Variants in DOCK2 observed in about 807,000 individuals in gnomAD.
DOCK2 encodes dedicator of cytokinesis protein 2.
DOCK2 carries 87 observed loss-of-function variants against 248.9 expected under a neutral mutation model. The observed-to-expected ratio is 0.35, with a 90% CI of 0.29 to 0.42. The LOEUF is 0.42. Among genes scored for constraint, DOCK2 ranks in the 10% least tolerant of loss-of-function variants. The pLI, the probability that DOCK2 is intolerant of heterozygous loss-of-function variation, is 1.00. For missense variants in DOCK2, 1,747 were observed against 2,300.2 expected, an observed-to-expected ratio of 0.76 and a Z score of 4.92; for synonymous variants, 805 against 821.6, an observed-to-expected ratio of 0.98 and a Z score of 0.35.
intron 27 of DOCK2, among the ~76,000 whole-genome samples, chr5:169,982,513 G>A (rs1243490852): frequency 2.0e-5 from 3 of 152,096 alleles, no homozygotes; most frequent in East Asian, 3.9e-4. Context: ...GATTAATCTC[G>A]CTTTCCCAAC....
rs147178018 is a variant in DOCK2, at chr5:169,738,875, C to T, written c.2268-8521C>T. On this transcript the variant is annotated intron_variant, in intron 22 of 51. Transcript: ENST00000520908. ...ATTCACTCAGTCCTGTGACCGATAC[C>T]ATTGCTCCTTCTGTTACCCTGTCCT... Among the ~76,000 whole-genome samples the T allele has an allele frequency of 2.7e-3, 405 of 152,224 alleles. 2 individuals carry two copies. Among genetic ancestry groups the T allele is most frequent in the African/African-American group, 8.9e-3 (369 of 41,540 alleles).
In DOCK2 at chr5:169,637,307, C is replaced by A; in HGVS notation, c.-20C>A. 7.0e-7 allele frequency: 1 copy of A among 1,427,546 alleles called. No homozygotes were observed. The highest frequency in any genetic ancestry group is 9.1e-7 in the Non-Finnish European group (1 of 1,093,294). The allele number at this position is 1,427,546 out of a possible 1,614,324, so 88.4% of individuals were successfully genotyped here. ...CCCTGACGGCTTCCCCACGGGAGGA[C>A]GCGAGGCCCCGGCCCAGCCATGGCC... is the stretch of plus-strand genomic sequence containing the variant. On this transcript the variant is annotated 5_prime_UTR_variant, in exon 1 of 52. Coordinates refer to ENST00000520908, the MANE Select transcript of DOCK2 (RefSeq NM_004946.3).
chr5:169,908,846 C>T (rs2113612109), intron 27 of DOCK2, among the ~76,000 whole-genome samples: 1 of 151,634 alleles, frequency 6.6e-6, no homozygotes. Context: ...TCCTGAGTAA[C>T]TGGGACTACA....
chr5:169,799,324 T>C (rs1766833663), intron 25 of DOCK2, among the ~76,000 whole-genome samples: 1 of 152,226 alleles, frequency 6.6e-6, no homozygotes, highest in African/African-American at 2.4e-5. Context: ...ATTTTTATCT[T>C]CTGGTTGGGC....
chr5:169,989,500 G>A (rs1778155601), intron 29 of DOCK2, among the ~76,000 whole-genome samples: 1 of 152,184 alleles, frequency 6.6e-6, no homozygotes, highest in Non-Finnish European at 1.5e-5. Context: ...AGGGTTGTAG[G>A]CAATGGACAG....
intron 27 of DOCK2, among the ~76,000 whole-genome samples, chr5:169,936,213 T>C (rs1040526864): frequency 4.6e-5 from 7 of 152,182 alleles, no homozygotes; most frequent in African/African-American, 1.4e-4. Flanking sequence ...AGCAGAGGCA[T>C]TTTTGAGGCC....
chr5:170,018,161 T>A (rs113704247), intron 32 of DOCK2, among the ~76,000 whole-genome samples: 188 of 152,248 alleles, frequency 1.2e-3, no homozygotes, highest in African/African-American at 4.3e-3. Flanking sequence ...CTTTTCTAGC[T>A]AAGGGTGGGA....
At chr5:169,925,479 C>T (rs1322311392) in intron 27 of DOCK2, among the ~76,000 whole-genome samples, 5 of 147,256 alleles carry the variant, frequency 3.4e-5, no homozygotes, top group African/African-American at 5.0e-5. Context: ...ACTTGGGAGG[C>T]TGAGGCAGAA....
At chr5:169,903,056 C>T (rs1445275245) in intron 27 of DOCK2, among the ~76,000 whole-genome samples, 1 of 151,672 alleles carries the variant, frequency 6.6e-6, no homozygotes, top group African/African-American at 2.4e-5. Context: ...TGAGATCACG[C>T]CACTGTACTC....
chr5:170,056,234 C>T (rs543978828), intron 42 of DOCK2, among the ~76,000 whole-genome samples: 1 of 152,310 alleles, frequency 6.6e-6, no homozygotes, highest in African/African-American at 2.4e-5. Context: ...AACTGTGCAG[C>T]TAGCACGGTG....
intron 44 of DOCK2, among the ~76,000 whole-genome samples, chr5:170,058,609 C>T (rs1449573699): frequency 6.6e-6 from 1 of 152,114 alleles, no homozygotes; most frequent in African/African-American, 2.4e-5. Flanking sequence ...AAGTGAAAAG[C>T]CCTGGGCCCA....
intron 27 of DOCK2, chr5:169,841,599 T>C (rs983155907): frequency 6.6e-6 from 2 of 304,972 alleles, no homozygotes; most frequent in African/African-American, 2.3e-5. Flanking sequence ...CTTTGCCCCA[T>C]GCTTATTTAT....
At chr5:170,056,057 G>A (rs534253386) in intron 42 of DOCK2, among the ~76,000 whole-genome samples, 2 of 152,318 alleles carry the variant, frequency 1.3e-5, no homozygotes, top group South Asian at 2.1e-4. Flanking sequence ...GGATGGGACA[G>A]TCAGAAACAG....
chr5:169,717,354 G>A (rs1218209630), intron 20 of DOCK2, 30 bp from the exon 21 acceptor site: 14 of 1,603,166 alleles, frequency 8.7e-6, no homozygotes, highest in Non-Finnish European at 1.1e-5. Context: ...GGTTTGCCCT[G>A]AAAATACTGC....
intron 2 of DOCK2, among the ~76,000 whole-genome samples, chr5:169,655,260 C>T (rs1286182190): frequency 6.6e-6 from 1 of 152,214 alleles, no homozygotes; most frequent in African/African-American, 2.4e-5. Flanking sequence ...TCCCTCCTAC[C>T]TGGGCCTGCT....
chr5:169,767,074 A>G (rs892599928), intron 25 of DOCK2, among the ~76,000 whole-genome samples: 1 of 152,190 alleles, frequency 6.6e-6, no homozygotes, highest in Non-Finnish European at 1.5e-5. Context: ...ACTTTTTCAT[A>G]ATAGCCATTT....
At chr5:169,999,230 G>T (rs1386094307) in intron 30 of DOCK2, among the ~76,000 whole-genome samples, 2 of 152,312 alleles carry the variant, frequency 1.3e-5, no homozygotes, top group East Asian at 3.9e-4. Flanking sequence ...TACATGAGAA[G>T]TACGGGCTTG....
chr5:169,773,841 G>A (rs1765232224), intron 25 of DOCK2, among the ~76,000 whole-genome samples: 1 of 152,110 alleles, frequency 6.6e-6, no homozygotes, highest in Admixed American at 6.5e-5. Flanking sequence ...CTGTTCTCAT[G>A]GTAGTGAATA....
chr5:170,038,943 A>G (rs1244693924), intron 36 of DOCK2, among the ~76,000 whole-genome samples: 1 of 152,242 alleles, frequency 6.6e-6, no homozygotes, highest in East Asian at 1.9e-4. Flanking sequence ...GTGTGCACAC[A>G]CAGGTGTTTC....
Sources: allele counts gnomAD v4.1 joint callset (sites outside exome capture counted in the v4.1 genomes callset), GRCh38; gene constraint gnomAD v4.1.1; transcripts MANE v1.5; gene names NCBI Gene and HGNC (gene_info 2026-07-23, HGNC 2026-07-21).